Variants in ZDHHC18 observed in about 807,000 individuals in gnomAD.
The protein encoded by ZDHHC18 is palmitoyltransferase ZDHHC18.
A neutral mutation model predicts 37.5 loss-of-function variants in ZDHHC18; 23 were observed. That is an observed-to-expected ratio of 0.61 (90% CI 0.44 to 0.87). The LOEUF (loss-of-function observed/expected upper bound fraction) is 0.87. Among genes scored for constraint, ZDHHC18 ranks in the 40% least tolerant of loss-of-function variants. The probability of loss-of-function intolerance (pLI) is 0.00; values close to 1 mark genes in which losing one functional copy is unlikely to be tolerated. For synonymous variants in ZDHHC18, 185 were observed against 218.7 expected (o/e 0.85, Z 1.36); for missense variants, 406 against 525.6 (o/e 0.77, Z 2.22).
At chr1:26,843,137 C>CTT (rs1336807710) in intron 2 of ZDHHC18, among the ~76,000 whole-genome samples, 8 of 141,974 alleles carry the variant, frequency 5.6e-5, no homozygotes, top group Admixed American at 7.1e-5. Context: ...TTCTTTCTTT[C>CTT]TTTTTTTTTT....
intron 1 of ZDHHC18, among the ~76,000 whole-genome samples, chr1:26,827,355 C>T (rs1220989182): frequency 1.3e-5 from 2 of 149,418 alleles, no homozygotes; most frequent in African/African-American, 4.9e-5. Context: ...ATTTGGGTAC[C>T]CCATCCGCGC....
intron 2 of ZDHHC18, among the ~76,000 whole-genome samples, chr1:26,832,952 T>C (rs959109529): frequency 1.3e-5 from 2 of 152,234 alleles, no homozygotes; most frequent in East Asian, 3.8e-4. Flanking sequence ...CTCCTTTTAC[T>C]GATTAATTAA....
At chr1:26,831,060 G>A (rs560469020) in intron 1 of ZDHHC18, among the ~76,000 whole-genome samples, 153 of 152,310 alleles carry the variant, frequency 1.0e-3, no homozygotes, top group Middle Eastern at 6.8e-3. Flanking sequence ...GGGATTGCAG[G>A]CGTGAGCCAC....
chr1:26,848,580 C>G (rs2081685073), intron 2 of ZDHHC18, 28 bp from the exon 3 acceptor site: 1 of 1,599,158 alleles, frequency 6.3e-7, no homozygotes. Context: ...CTTGGGCATT[C>G]CCCATCTTTC....
rs149857988 is a variant in ZDHHC18, at chr1:26,832,513, C to T, written c.402C>T (p.Phe134=). 8 of 1,614,052 alleles carry T rather than the reference C, an allele frequency of 5.0e-6. No homozygotes were observed. Among genetic ancestry groups the T allele is most frequent in the South Asian group, 1.1e-5 (1 of 91,092 alleles). ...TCATCGCTGCCATCCTCTTCTTCTT[C>T]GTCATGAGCTGCCTGCTGCAGACAA... ...IPIIAAILFF[F]VMSCLLQTSF... is the part of the protein sequence containing the mutation. Residue 134 remains phenylalanine, a synonymous_variant, in exon 2 of 8, where the codon TTC becomes TTT. Transcript: ENST00000374142.
chr1:26,852,815 A>G lies in ZDHHC18; in HGVS notation c.999A>G (p.Lys333=). The G allele has an allele frequency of 6.2e-7, 1 of 1,614,008 alleles. No individual in the cohort carries two copies. The highest frequency in any genetic ancestry group is 8.5e-7 in the Non-Finnish European group (1 of 1,179,964). Residue 333 remains lysine, a synonymous_variant, in exon 7 of 8, where the codon AAA becomes AAG. Transcript: ENST00000374142. ...GEASVNPYSH[K]SIITNCCAVL... is the part of the protein sequence containing the mutation. Reference sequence around the variant, plus strand: ...CCTCTGTCAACCCCTACAGCCATAAAAGTATTATCACCAACTGCTGTGCTG... The same window carrying G: ...CCTCTGTCAACCCCTACAGCCATAAGAGTATTATCACCAACTGCTGTGCTG...
Position 26,855,079 on chromosome 1 carries a change from C to T in ZDHHC18, c.*1236C>T, listed in dbSNP as rs568631802. The T allele has an allele frequency of 6.6e-6, 1 of 152,436 alleles. No individual in the cohort carries two copies. Among genetic ancestry groups the T allele is most frequent in the Non-Finnish European group, 1.5e-5 (1 of 68,106 alleles). 9.4% of individuals were successfully genotyped at this position (152,436 alleles called of 1,614,324 possible). On this transcript the variant is annotated 3_prime_UTR_variant, in exon 8 of 8. Transcript: ENST00000374142. ...CAGCCAGTGTCTGGGGACTCTGCCACTCTACCCCCAGCCCTACCCACCAGC... is the reference window on the plus strand; with the variant it reads ...CAGCCAGTGTCTGGGGACTCTGCCATTCTACCCCCAGCCCTACCCACCAGC...
Position 26,853,839 on chromosome 1 carries a change from C to T in ZDHHC18, c.1163C>T (p.Pro388Leu), listed in dbSNP as rs762413704. ...GATGCCAGCATGGTAGGAGGCCACC[C>T]CTGACCACGGCTCAGTACTTGCCAC... is the stretch of plus-strand genomic sequence containing the variant. ...KPDASMVGGH[P>L] is the part of the protein sequence containing the mutation. The change falls in exon 8 of 8, where the codon CCC becomes CTC. Residue 388 changes from proline to leucine, a missense_variant. Pro to Leu is a moderately conservative substitution (Grantham distance 98). Coordinates refer to ENST00000374142, the MANE Select transcript of ZDHHC18 (RefSeq NM_032283.3). The T allele has an allele frequency of 6.2e-7, 1 of 1,613,354 alleles. No homozygotes were observed. Among genetic ancestry groups the T allele is most frequent in the South Asian group, 1.1e-5 (1 of 91,084 alleles).
chr1:26,840,435 G>A (rs2081631991), intron 2 of ZDHHC18, among the ~76,000 whole-genome samples: 1 of 152,164 alleles, frequency 6.6e-6, no homozygotes, highest in Non-Finnish European at 1.5e-5. Flanking sequence ...TGGACTCAAT[G>A]ATGTTCCATT....
intron 2 of ZDHHC18, among the ~76,000 whole-genome samples, chr1:26,846,959 G>A (rs1024848751): frequency 6.6e-6 from 1 of 150,890 alleles, no homozygotes; most frequent in African/African-American, 2.4e-5. Context: ...GCAGTGGCAT[G>A]ATCTCGGCTC....
intron 2 of ZDHHC18, among the ~76,000 whole-genome samples, chr1:26,843,290 G>A (rs996176698): frequency 6.6e-6 from 1 of 150,962 alleles, no homozygotes; most frequent in East Asian, 2.0e-4. Flanking sequence ...TTATAGGCAC[G>A]CACCACCACA....
intron 2 of ZDHHC18, among the ~76,000 whole-genome samples, chr1:26,846,382 A>G (rs2081666466): frequency 8.6e-6 from 1 of 116,512 alleles, no homozygotes; most frequent in Non-Finnish European, 1.6e-5. Flanking sequence ...GCTGGAGTGC[A>G]GTGGCCCAAT....
intron 2 of ZDHHC18, among the ~76,000 whole-genome samples, chr1:26,834,779 C>T (rs1245891058): frequency 6.6e-6 from 1 of 152,202 alleles, no homozygotes; most frequent in African/African-American, 2.4e-5. Context: ...AGGAAACAGT[C>T]AGGACATCTC....
At chr1:26,838,542 T>C (rs1035029836) in intron 2 of ZDHHC18, among the ~76,000 whole-genome samples, 1 of 152,214 alleles carries the variant, frequency 6.6e-6, no homozygotes, top group African/African-American at 2.4e-5. Context: ...ATTAATTGAA[T>C]AGCTATTTAG....
intron 2 of ZDHHC18, among the ~76,000 whole-genome samples, chr1:26,837,213 A>G (rs1209239303): frequency 6.8e-6 from 1 of 147,624 alleles, no homozygotes; most frequent in East Asian, 2.0e-4. Flanking sequence ...AGATGGCGCC[A>G]CTGCACTCCA....
chr1:26,829,418 C>G (rs1235075611), intron 1 of ZDHHC18, among the ~76,000 whole-genome samples: 5 of 152,114 alleles, frequency 3.3e-5, no homozygotes, highest in African/African-American at 1.2e-4. Context: ...GCATGTCATC[C>G]TCCGTGCACA....
chr1:26,834,638 G>A (rs1392016362), intron 2 of ZDHHC18, among the ~76,000 whole-genome samples: 2 of 152,176 alleles, frequency 1.3e-5, no homozygotes, highest in Non-Finnish European at 2.9e-5. Context: ...TGAGGGCATG[G>A]AATTCCAGCA....
In ZDHHC18 at chr1:26,856,130, A is replaced by C; in HGVS notation, c.*2287A>C. On this transcript the variant is annotated 3_prime_UTR_variant, in exon 8 of 8. Coordinates refer to ENST00000374142, the MANE Select transcript of ZDHHC18 (RefSeq NM_032283.3). The surrounding 1 kb of genome is among the most constrained non-coding windows in gnomAD (Gnocchi z 5.2). Reference sequence around the variant, plus strand: ...GGCTACCACCTCCAACCTGGGCACCAGGGCCCAGCCAGACAACTCATAACA... The same window carrying C: ...GGCTACCACCTCCAACCTGGGCACCCGGGCCCAGCCAGACAACTCATAACA... The C allele has an allele frequency of 9.2e-6, 4 of 432,512 alleles. No individual in the cohort carries two copies. Among genetic ancestry groups the C allele is most frequent in the South Asian group, 6.3e-5 (4 of 63,784 alleles). 26.8% of individuals were successfully genotyped at this position (432,512 alleles called of 1,614,324 possible).
chr1:26,853,007 GA>G (rs2081714672), intron 7 of ZDHHC18, 142 bp downstream of exon 7: 3 of 643,112 alleles, frequency 4.7e-6, no homozygotes, highest in Admixed American at 6.3e-5. Context: ...TCATGTGACG[GA>G]ATTCCATGGA....
Sources: allele counts gnomAD v4.1 joint callset (sites outside exome capture counted in the v4.1 genomes callset), GRCh38; gene constraint gnomAD v4.1.1; non-coding constraint Gnocchi (gnomAD v3.1); transcripts MANE v1.5; gene names NCBI Gene and HGNC (gene_info 2026-07-23, HGNC 2026-07-21).